The following VCF2 variants were observed in gnomAD, a reference collection of about 807,000 sequenced individuals.
VCF2 encodes protein VCF2.
chrX:55,149,119 T>C, the VCF2 span, among the ~76,000 whole-genome samples: 1 of 111,492 alleles, frequency 9.0e-6, no homozygotes, highest in Non-Finnish European at 1.9e-5. Flanking sequence ...TTAGTTTTGA[T>C]TTGCAGCTTA....
chrX:55,157,465 G>A, the VCF2 span, among the ~76,000 whole-genome samples: 5 of 111,909 alleles, frequency 4.5e-5, no homozygotes, highest in Non-Finnish European at 9.4e-5. Flanking sequence ...CCCGGGAGGT[G>A]GGGGTGCAGT....
chrX:55,149,571 G>C, the VCF2 span, among the ~76,000 whole-genome samples: 46,925 of 110,189 alleles, frequency 0.43, 8,254 homozygotes, highest in Non-Finnish European at 0.55. Context: ...GTGTGAGATT[G>C]TAACGGCCAA....
chrX:55,160,973 A>C, the VCF2 span: 5 of 1,165,501 alleles, frequency 4.3e-6, no homozygotes, highest in Non-Finnish European at 2.3e-6. Flanking sequence ...CAACACTGTC[A>C]CCTGCAGGTC....
the VCF2 span, chrX:55,143,917 G>A: frequency 1.0e-6 from 1 of 966,436 alleles, no homozygotes. Context: ...TATTTACTAG[G>A]ACAAGAGATT....
chrX:55,151,888 C>CTT, the VCF2 span, among the ~76,000 whole-genome samples: 9 of 50,023 alleles, frequency 1.8e-4, no homozygotes, highest in East Asian at 6.7e-4. Flanking sequence ...GCTGTGCTTT[C>CTT]TTTTTTTTTT....
the VCF2 span, chrX:55,143,261 G>A: frequency 8.9e-6 from 1 of 111,792 alleles, no homozygotes; most frequent in Non-Finnish European, 1.9e-5. Context: ...GTTACCAGAG[G>A]GAGAAACAAA....
At chrX:55,154,589 C>A in the VCF2 span, among the ~76,000 whole-genome samples, 2 of 112,237 alleles carry the variant, frequency 1.8e-5, no homozygotes, top group African/African-American at 6.5e-5. Flanking sequence ...GGGTCCAGGT[C>A]TGTGTGAAAA....
the VCF2 span, among the ~76,000 whole-genome samples, chrX:55,155,741 A>C: frequency 3.6e-5 from 4 of 111,007 alleles, no homozygotes; most frequent in African/African-American, 1.3e-4. Flanking sequence ...ACTAGACACA[A>C]GATTAGTTAG....
the VCF2 span, chrX:55,145,909 A>T: frequency 9.9e-7 from 1 of 1,012,324 alleles, no homozygotes; most frequent in Non-Finnish European, 1.3e-6. Context: ...AAATTTCATA[A>T]ACATTTATTC....
the VCF2 span, among the ~76,000 whole-genome samples, chrX:55,146,953 A>G: frequency 1.8e-5 from 2 of 112,131 alleles, no homozygotes; most frequent in Non-Finnish European, 1.9e-5. Context: ...TATGACTAGT[A>G]TTCATTGTTC....
chrX:55,147,627 TTTCC>T, the VCF2 span, among the ~76,000 whole-genome samples: 5 of 97,106 alleles, frequency 5.1e-5, no homozygotes, highest in South Asian at 2.6e-3. Flanking sequence ...CTTAGTTGGC[TTTCC>T]TTGTTTTTTT....
the VCF2 span, among the ~76,000 whole-genome samples, chrX:55,152,257 G>A: frequency 8.9e-6 from 1 of 111,951 alleles, no homozygotes; most frequent in Non-Finnish European, 1.9e-5. Context: ...AAAAATAACA[G>A]CAACCTATTT....
chrX:55,159,001 G>A, the VCF2 span: 34 of 452,782 alleles, frequency 7.5e-5, no homozygotes, highest in African/African-American at 6.3e-4. Context: ...AAAAGCCACT[G>A]TAATCAAGCA....
At chrX:55,149,931 G>T in the VCF2 span, among the ~76,000 whole-genome samples, 2 of 111,647 alleles carry the variant, frequency 1.8e-5, no homozygotes, top group Admixed American at 1.9e-4. Flanking sequence ...TCAGCTAAAT[G>T]AATGACTTAT....
chrX:55,147,995 T>C, the VCF2 span, among the ~76,000 whole-genome samples: 1 of 111,258 alleles, frequency 9.0e-6, no homozygotes, highest in African/African-American at 3.2e-5. Context: ...ATTTAAATTA[T>C]AGTGCATGCA....
the VCF2 span, among the ~76,000 whole-genome samples, chrX:55,149,575 C>T: frequency 1.8e-5 from 2 of 111,336 alleles, no homozygotes; most frequent in African/African-American, 3.3e-5. Flanking sequence ...GAGATTGTAA[C>T]GGCCAATTTT....
the VCF2 span, among the ~76,000 whole-genome samples, chrX:55,153,701 C>A: frequency 9.0e-6 from 1 of 111,324 alleles, no homozygotes; most frequent in African/African-American, 3.3e-5. Context: ...AAATATATTT[C>A]TTTTGTGAAA....
the VCF2 span, chrX:55,143,600 A>G: frequency 1.0e-4 from 35 of 342,033 alleles, no homozygotes; most frequent in East Asian, 8.9e-4. Context: ...TTTTAAGCAC[A>G]TATCTTCAAT....
chrX:55,147,387 T>C, the VCF2 span, among the ~76,000 whole-genome samples: 2 of 110,912 alleles, frequency 1.8e-5, no homozygotes, highest in African/African-American at 3.3e-5. Context: ...GGAAAAGAGA[T>C]AGAAGGGGTC....
Sources: allele counts gnomAD v4.1 joint callset (sites outside exome capture counted in the v4.1 genomes callset), GRCh38; gene constraint gnomAD v4.1.1; transcripts MANE v1.5; gene names NCBI Gene and HGNC (gene_info 2026-07-23, HGNC 2026-07-21).